Variants in CFAP43 observed in about 807,000 individuals in gnomAD.
CFAP43 encodes cilia- and flagella-associated protein 43.
Under a neutral mutation model 218.9 loss-of-function variants are expected in CFAP43, and 155 were observed. The ratio of observed to expected loss-of-function variants is 0.71; its 90% CI spans 0.62 to 0.81. CFAP43 has a LOEUF of 0.81. Among genes scored for constraint, CFAP43 ranks in the 30% least tolerant of loss-of-function variants. The pLI, the probability that CFAP43 is intolerant of heterozygous loss-of-function variation, is 0.00. For synonymous variants in CFAP43, 645 were observed against 681.3 expected (o/e 0.95, Z 0.83); for missense variants, 1,778 against 1,954.3 (o/e 0.91, Z 1.70).
rs745472243 is a variant in CFAP43 at position 104,197,923 on chromosome 10, A to C, written c.1211T>G (p.Met404Arg). ...GTGACACAGTAAAATATTCTTTACC[A>C]TGAAGTATTGGGTTCCAGGTGTGAT... ...DFITPGTQYF[M>R]TLTYSGEICV... Residue 404 changes from methionine (M) to arginine (R), a missense_variant and splice_region_variant, in exon 9 of 38, where the codon ATG becomes AGG. Met to Arg is a moderately conservative substitution (Grantham distance 91). Transcript: ENST00000357060. The C allele has an allele frequency of 6.3e-7, 1 of 1,581,470 alleles. No individual in the cohort carries two copies. The highest frequency in any genetic ancestry group is 1.1e-5 in the South Asian group (1 of 89,900).
chr10:104,215,653 T>C (rs1279923072), intron 3 of CFAP43, among the ~76,000 whole-genome samples: 1 of 152,180 alleles, frequency 6.6e-6, no homozygotes, highest in Non-Finnish European at 1.5e-5. Flanking sequence ...AATCCTGCTA[T>C]GTTTCTCTGG....
intron 8 of CFAP43, among the ~76,000 whole-genome samples, chr10:104,201,739 T>C (rs2090541226): frequency 6.6e-6 from 1 of 152,124 alleles, no homozygotes; most frequent in South Asian, 2.1e-4. Flanking sequence ...CTACAATGTG[T>C]CATTCTCCAC....
intron 11 of CFAP43, 99 bp from the exon 12 acceptor site, chr10:104,192,401 T>C (rs934084822): frequency 1.1e-5 from 10 of 902,852 alleles, no homozygotes; most frequent in African/African-American, 1.7e-5. Flanking sequence ...TCAAAGCCAG[T>C]CATTTTTACG....
chr10:104,211,941 C>T (rs1184506093), intron 5 of CFAP43, 66 bp downstream of exon 5: 72 of 1,534,108 alleles, frequency 4.7e-5, no homozygotes, highest in Non-Finnish European at 6.4e-5. Context: ...TTATGCCAAT[C>T]AAATGAGATC....
intron 32 of CFAP43, among the ~76,000 whole-genome samples, chr10:104,143,105 C>T (rs1471595079): frequency 6.6e-6 from 1 of 152,062 alleles, no homozygotes; most frequent in East Asian, 1.9e-4. Context: ...TCTTTTTGTT[C>T]ATACTAAGCC....
chr10:104,144,767 C>T (rs2087877928), intron 31 of CFAP43, among the ~76,000 whole-genome samples: 2 of 152,352 alleles, frequency 1.3e-5, no homozygotes, highest in South Asian at 4.1e-4. Flanking sequence ...TTGTGACAAA[C>T]TCCTTGATTT....
intron 20 of CFAP43, among the ~76,000 whole-genome samples, chr10:104,172,166 C>T (rs571344199): frequency 7.2e-5 from 11 of 152,154 alleles, no homozygotes; most frequent in Non-Finnish European, 1.0e-4. Flanking sequence ...ATGGCTGGCA[C>T]GAATGTCATG....
intron 2 of CFAP43, among the ~76,000 whole-genome samples, chr10:104,228,876 G>A (rs1009973553): frequency 1.3e-5 from 2 of 151,728 alleles, no homozygotes; most frequent in African/African-American, 4.8e-5. Context: ...TTTATATTTT[G>A]TTGCATTGGC....
intron 27 of CFAP43, among the ~76,000 whole-genome samples, chr10:104,156,227 T>C (rs1041351759): frequency 3.3e-5 from 5 of 152,086 alleles, no homozygotes; most frequent in African/African-American, 1.2e-4. Flanking sequence ...CTCTTCCCCA[T>C]TGCTTAAAGA....
chr10:104,198,705 C>T (rs1257975785), intron 8 of CFAP43, among the ~76,000 whole-genome samples: 5 of 151,862 alleles, frequency 3.3e-5, no homozygotes, highest in Admixed American at 6.6e-5. Context: ...GGCTGGAGTG[C>T]GATGGCGGAA....
At chr10:104,138,330 C>G (rs2087543831) in intron 34 of CFAP43, among the ~76,000 whole-genome samples, 1 of 152,138 alleles carries the variant, frequency 6.6e-6, no homozygotes. Context: ...AATAAACTGT[C>G]AAGGTCATCA....
chr10:104,208,308 CA>C (rs1184143989), intron 5 of CFAP43, among the ~76,000 whole-genome samples: 2 of 152,084 alleles, frequency 1.3e-5, no homozygotes, highest in South Asian at 2.1e-4. Flanking sequence ...AAATCTTAAA[CA>C]AAACAACAAC....
intron 2 of CFAP43, among the ~76,000 whole-genome samples, chr10:104,225,849 G>C (rs969253522): frequency 1.3e-5 from 2 of 152,208 alleles, no homozygotes; most frequent in African/African-American, 4.8e-5. Context: ...AGCATGGTCT[G>C]AAATGACCCA....
chr10:104,157,727 G>A (rs961911574), intron 27 of CFAP43, among the ~76,000 whole-genome samples: 18 of 145,798 alleles, frequency 1.2e-4, no homozygotes, highest in African/African-American at 4.4e-4. Flanking sequence ...TGGAATTGGA[G>A]CTAACTGGAT....
intron 5 of CFAP43, among the ~76,000 whole-genome samples, chr10:104,208,163 G>A (rs1170465555): frequency 1.3e-5 from 2 of 152,168 alleles, no homozygotes; most frequent in African/African-American, 4.8e-5. Context: ...GTGTCTGATT[G>A]AGATTTGACT....
intron 35 of CFAP43, chr10:104,133,377 G>T: frequency 2.9e-6 from 1 of 344,662 alleles, no homozygotes; most frequent in Non-Finnish European, 5.2e-6. Context: ...AGAATTGAAG[G>T]ACCACCGGGT....
intron 8 of CFAP43, among the ~76,000 whole-genome samples, chr10:104,201,971 T>C (rs1384150437): frequency 6.6e-6 from 1 of 152,244 alleles, no homozygotes; most frequent in Non-Finnish European, 1.5e-5. Context: ...TTTCATTACA[T>C]CAGGGGTCAT....
At chr10:104,194,148 A>G (rs1177800306) in intron 10 of CFAP43, 134 bp from the exon 11 acceptor site, 2 of 956,720 alleles carry the variant, frequency 2.1e-6, no homozygotes, top group Middle Eastern at 2.2e-4. Flanking sequence ...GGGTCTTTCA[A>G]ATTATACCCT....
intron 32 of CFAP43, among the ~76,000 whole-genome samples, chr10:104,143,097 T>G (rs557526741): frequency 3.9e-5 from 6 of 152,342 alleles, no homozygotes; most frequent in African/African-American, 1.4e-4. Context: ...GACATATTTC[T>G]TTTTGTTCAT....
Sources: allele counts gnomAD v4.1 joint callset (sites outside exome capture counted in the v4.1 genomes callset), GRCh38; gene constraint gnomAD v4.1.1; transcripts MANE v1.5; gene names NCBI Gene and HGNC (gene_info 2026-07-23, HGNC 2026-07-21).